UMAD1: variants seen among roughly 807,000 people sequenced by gnomAD.
UMAD1 encodes UBAP1-MVB12-associated (UMA) domain containing 1.
In UMAD1, 8 loss-of-function variants were observed where a neutral mutation model predicts 6.1. That is an observed-to-expected ratio of 1.30 (90% CI 0.76 to 2.35). The LOEUF is 2.35. Among genes scored for constraint, UMAD1 ranks in the 30% most tolerant of loss-of-function variants. The pLI is 0.00. For missense variants in UMAD1, 130 were observed against 78.4 expected, an observed-to-expected ratio of 1.66 and a Z score of -2.49; for synonymous variants, 56 against 31.4, an observed-to-expected ratio of 1.78 and a Z score of -2.61.
At chr7:7,673,716 T>TAGA (rs1779671326) in intron 2 of UMAD1, among the ~76,000 whole-genome samples, 1 of 152,052 alleles carries the variant, frequency 6.6e-6, no homozygotes, top group Non-Finnish European at 1.5e-5. Context: ...CCCCCCTTTT[T>TAGA]TTTTTTAACT....
chr7:7,805,507 C>T (rs4725030), intron 3 of UMAD1, among the ~76,000 whole-genome samples: 25,592 of 152,044 alleles, frequency 0.17, 2,225 homozygotes, highest in Middle Eastern at 0.21. Context: ...TACTAGGGCC[C>T]CATTCTTTCT....
At position 7,673,398 on chromosome 7, in the gene UMAD1, G is replaced by A. The variant is rs1779660614; in HGVS notation, c.27G>A (p.Pro9=). Residue 9 remains proline, a synonymous_variant, in exon 2 of 4, where the codon CCG becomes CCA. Coordinates refer to ENST00000682710, the MANE Select transcript of UMAD1 (RefSeq NM_001302348.2). ...TGTTTCACTTCTTCAGAAAGCCTCC[G>A]GAATCTAAAAAGCCCTCAGTACCAG... MFHFFRKP[P]ESKKPSVPET... 4 of 1,173,558 alleles carry A rather than the reference G, an allele frequency of 3.4e-6. No homozygotes were observed. Among genetic ancestry groups the A allele is most frequent in the Non-Finnish European group, 4.9e-6 (4 of 813,766 alleles). 72.7% of individuals were successfully genotyped at this position (1,173,558 alleles called of 1,614,324 possible).
At chr7:7,818,402 T>C (rs1160643587) in intron 3 of UMAD1, among the ~76,000 whole-genome samples, 1 of 151,912 alleles carries the variant, frequency 6.6e-6, no homozygotes, top group East Asian at 1.9e-4. Context: ...TGTCCAACAA[T>C]CATATGAAAA....
intron 2 of UMAD1, among the ~76,000 whole-genome samples, chr7:7,725,811 T>A (rs1781128550): frequency 6.6e-6 from 1 of 152,206 alleles, no homozygotes. Flanking sequence ...CCAATGGCCT[T>A]TTGGGGAGTT....
chr7:7,755,656 A>G (rs762868854), intron 2 of UMAD1, among the ~76,000 whole-genome samples: 2 of 152,246 alleles, frequency 1.3e-5, no homozygotes, highest in Non-Finnish European at 2.9e-5. Flanking sequence ...TTCCAAGTGC[A>G]TTAAAAGTCA....
At chr7:7,759,957 C>T (rs963815104) in intron 2 of UMAD1, among the ~76,000 whole-genome samples, 8 of 152,114 alleles carry the variant, frequency 5.3e-5, no homozygotes, top group African/African-American at 1.4e-4. Flanking sequence ...GTTGTGTCGA[C>T]GCCCCCTCCT....
chr7:7,832,059 A>T (rs1003821910), intron 3 of UMAD1, among the ~76,000 whole-genome samples: 5 of 152,194 alleles, frequency 3.3e-5, no homozygotes, highest in Non-Finnish European at 7.4e-5. Context: ...GGCCCTTTGA[A>T]TGTTGACTCT....
At chr7:7,642,211 T>C (rs1784989897) in intron 1 of UMAD1, among the ~76,000 whole-genome samples, 1 of 152,198 alleles carries the variant, frequency 6.6e-6, no homozygotes, top group African/African-American at 2.4e-5. Flanking sequence ...CATAGCTCAC[T>C]GCAGCCTTTA....
intron 2 of UMAD1, among the ~76,000 whole-genome samples, chr7:7,684,585 G>A (rs139902627): frequency 5.3e-5 from 8 of 152,212 alleles, no homozygotes; most frequent in African/African-American, 1.9e-4. Flanking sequence ...TCATGGATAC[G>A]GAGGGCTGAC....
At chr7:7,811,137 C>G (rs1273670861) in intron 3 of UMAD1, among the ~76,000 whole-genome samples, 1 of 152,134 alleles carries the variant, frequency 6.6e-6, no homozygotes, top group Non-Finnish European at 1.5e-5. Flanking sequence ...CATCTCGCTT[C>G]TTTCTTTTTA....
chr7:7,768,222 T>A (rs1375411486), intron 2 of UMAD1, among the ~76,000 whole-genome samples: 3 of 152,198 alleles, frequency 2.0e-5, no homozygotes, highest in Admixed American at 1.3e-4. Flanking sequence ...TGCCTAAAAA[T>A]TTTATTTTTC....
At chr7:7,699,713 A>G (rs1780409913) in intron 2 of UMAD1, among the ~76,000 whole-genome samples, 4 of 152,236 alleles carry the variant, frequency 2.6e-5, no homozygotes, top group South Asian at 4.1e-4. Context: ...TTTCAATTCC[A>G]CAACTGCTGG....
intron 3 of UMAD1, among the ~76,000 whole-genome samples, chr7:7,821,046 T>C (rs1359628903): frequency 6.6e-6 from 1 of 152,212 alleles, no homozygotes; most frequent in Non-Finnish European, 1.5e-5. Context: ...ATTCCTGTTT[T>C]TAGTGGTATA....
chr7:7,822,216 G>A lies in UMAD1; in HGVS notation c.156+20473G>A, dbSNP rs545969914. ...TGACAAAAACTTAAAGGGTTTGGGC[G>A]CACTGAGAATAGTACAGTGAAGTCA... On this transcript the variant is annotated intron_variant, in intron 3 of 3. Transcript: ENST00000682710. Among the ~76,000 whole-genome samples the A allele has an allele frequency of 2.2e-4, 34 of 152,030 alleles. 2 individuals are homozygous for A. In the South Asian group the frequency reaches 4.6e-3, roughly 20 times the overall value.
At chr7:7,729,852 A>G (rs545156135) in intron 2 of UMAD1, among the ~76,000 whole-genome samples, 16 of 152,166 alleles carry the variant, frequency 1.1e-4, no homozygotes, top group African/African-American at 3.4e-4. Context: ...CAGAAATCCT[A>G]CCCTCTCGTG....
At chr7:7,825,467 A>T (rs1783321324) in intron 3 of UMAD1, among the ~76,000 whole-genome samples, 2 of 152,152 alleles carry the variant, frequency 1.3e-5, no homozygotes, top group African/African-American at 4.8e-5. Flanking sequence ...GGTGGAAGGC[A>T]AGGAGGAGCA....
At chr7:7,812,836 GT>G (rs373455912) in intron 3 of UMAD1, among the ~76,000 whole-genome samples, 7 of 144,748 alleles carry the variant, frequency 4.8e-5, no homozygotes, top group African/African-American at 1.8e-4. Context: ...TTTTTAATTA[GT>G]GGCAAATGGT....
In UMAD1 at chr7:7,847,114, T is replaced by A. The variant is rs1445189416; in HGVS notation, c.157-30167T>A. On this transcript the variant is annotated intron_variant, in intron 3 of 3. Coordinates refer to ENST00000682710, the MANE Select transcript of UMAD1 (RefSeq NM_001302348.2). ...AAAAAAAAAAAAAAAAATATATATA[T>A]ATATATATATATATATATATATATA... Among the ~76,000 whole-genome samples the A allele has an allele frequency of 8.7e-3, 93 of 10,738 alleles. 19 individuals are homozygous for A. The highest frequency in any genetic ancestry group is 0.062 in the African/African-American group (90 of 1,444). The allele number at this position is 10,738 out of a possible 152,430, so 7.0% of individuals were successfully genotyped here.
intron 2 of UMAD1, among the ~76,000 whole-genome samples, chr7:7,790,477 T>C (rs901981003): frequency 6.6e-6 from 1 of 152,212 alleles, no homozygotes; most frequent in Non-Finnish European, 1.5e-5. Flanking sequence ...CCTGAGTTCA[T>C]AACCCTAAAC....
Sources: gnomAD v4.1 joint callset for allele counts (sites outside exome capture counted in the v4.1 genomes callset) on GRCh38, gnomAD v4.1.1 for gene constraint, MANE v1.5 for transcripts, NCBI Gene and HGNC (gene_info 2026-07-23, HGNC 2026-07-21) for gene names.